The following ARHGAP15 variants were observed in gnomAD, a reference collection of about 807,000 sequenced individuals.
The protein encoded by ARHGAP15 is Rho GTPase activating protein 15.
In ARHGAP15, 51 loss-of-function variants were observed where a neutral mutation model predicts 63.7. The observed-to-expected ratio is 0.80, with a 90% CI of 0.64 to 1.01. The LOEUF (loss-of-function observed/expected upper bound fraction) is 1.01. Ranked by LOEUF, ARHGAP15 falls within the 50% of genes least tolerant of loss-of-function variation. ARHGAP15 has a pLI of 0.00. For missense variants in ARHGAP15, 560 were observed against 564.6 expected (o/e 0.99, Z 0.08); for synonymous variants, 191 against 193.8 (o/e 0.99, Z 0.12).
intron 10 of ARHGAP15, among the ~76,000 whole-genome samples, chr2:143,551,728 T>C (rs1695571768): frequency 1.3e-5 from 2 of 152,146 alleles, no homozygotes; most frequent in Admixed American, 6.5e-5. Context: ...GCAAGGCTAT[T>C]GAAGGATGGG....
chr2:143,195,885 C>T (rs751421262), intron 2 of ARHGAP15, among the ~76,000 whole-genome samples: 17 of 152,114 alleles, frequency 1.1e-4, no homozygotes, highest in South Asian at 4.1e-4. Flanking sequence ...CTCCTACACA[C>T]GGAAAATAAT....
chr2:143,146,632 C>T (rs1189484581), intron 1 of ARHGAP15, among the ~76,000 whole-genome samples: 1 of 152,046 alleles, frequency 6.6e-6, no homozygotes, highest in African/African-American at 2.4e-5. Flanking sequence ...CACATACACA[C>T]AAGCTATTTA....
At chr2:143,196,123 G>A (rs185995478) in intron 2 of ARHGAP15, among the ~76,000 whole-genome samples, 19 of 152,068 alleles carry the variant, frequency 1.2e-4, no homozygotes, top group African/African-American at 4.3e-4. Context: ...AGGAAAATAC[G>A]CATTATATAT....
intron 6 of ARHGAP15, among the ~76,000 whole-genome samples, chr2:143,261,450 T>C (rs1188126003): frequency 6.7e-6 from 1 of 148,384 alleles, no homozygotes; most frequent in Non-Finnish European, 1.5e-5. Context: ...GCAATTCTCC[T>C]GCCTCAGTCT....
intron 10 of ARHGAP15, among the ~76,000 whole-genome samples, chr2:143,529,325 G>C (rs1461621628): frequency 6.6e-6 from 1 of 151,964 alleles, no homozygotes; most frequent in South Asian, 2.1e-4. Context: ...CTTGAATCTG[G>C]TTCTTCCTTT....
At chr2:143,380,256 A>C (rs1285533434) in intron 6 of ARHGAP15, among the ~76,000 whole-genome samples, 1 of 152,136 alleles carries the variant, frequency 6.6e-6, no homozygotes, top group Non-Finnish European at 1.5e-5. Context: ...TGTGGTTTCC[A>C]TTCCTGGCTC....
intron 5 of ARHGAP15, chr2:143,247,332 C>G (rs1427526071): frequency 6.6e-6 from 1 of 152,588 alleles, no homozygotes; most frequent in Non-Finnish European, 1.5e-5. Flanking sequence ...CTGTGGAGCC[C>G]GCTGCTGCTG....
rs1403310550 is a variant in ARHGAP15, at chr2:143,645,043, T to A, written c.1138+20776T>A. On this transcript the variant is annotated intron_variant, in intron 12 of 13. Coordinates refer to ENST00000295095, the MANE Select transcript of ARHGAP15 (RefSeq NM_018460.4). Reference sequence around the variant, plus strand: ...TAAAAGTAATATGATTGGATGAAGATGTATGATGCAAAATTCCTATTACAT... The same window carrying A: ...TAAAAGTAATATGATTGGATGAAGAAGTATGATGCAAAATTCCTATTACAT... Among the ~76,000 whole-genome samples the A allele has an allele frequency of 2.0e-5, 3 of 152,080 alleles. No homozygotes were observed. In the East Asian group the frequency reaches 5.8e-4, roughly 29 times the overall value.
chr2:143,402,750 G>T (rs988031701), intron 6 of ARHGAP15, among the ~76,000 whole-genome samples: 2 of 151,814 alleles, frequency 1.3e-5, no homozygotes, highest in African/African-American at 4.8e-5. Flanking sequence ...ATGTTGGGCT[G>T]ATTGAAGGAA....
intron 6 of ARHGAP15, among the ~76,000 whole-genome samples, chr2:143,270,544 A>G (rs1018217796): frequency 1.3e-5 from 2 of 152,214 alleles, no homozygotes; most frequent in Non-Finnish European, 2.9e-5. Flanking sequence ...TGCACATTCA[A>G]TATCATTTGG....
At chr2:143,506,140 A>G (rs1233278483) in intron 9 of ARHGAP15, among the ~76,000 whole-genome samples, 2 of 152,324 alleles carry the variant, frequency 1.3e-5, no homozygotes. Context: ...ATATTAGGAA[A>G]AGTACAGTCT....
chr2:143,461,113 A>G (rs1690912508), intron 8 of ARHGAP15, among the ~76,000 whole-genome samples: 1 of 151,638 alleles, frequency 6.6e-6, no homozygotes, highest in South Asian at 2.1e-4. Context: ...AACATGGTGA[A>G]ACCCTGTCTG....
At chr2:143,267,941 G>A (rs988915645) in intron 6 of ARHGAP15, among the ~76,000 whole-genome samples, 4 of 152,074 alleles carry the variant, frequency 2.6e-5, no homozygotes, top group African/African-American at 9.7e-5. Flanking sequence ...CAGATAGAAT[G>A]ATGGCCATTA....
intron 13 of ARHGAP15, among the ~76,000 whole-genome samples, chr2:143,724,001 C>T (rs1457233123): frequency 2.0e-5 from 3 of 151,956 alleles, no homozygotes; most frequent in African/African-American, 7.2e-5. Flanking sequence ...ACGTCTCAGC[C>T]ACTGTTTTAT....
chr2:143,350,341 G>A (rs1685502574), intron 6 of ARHGAP15, among the ~76,000 whole-genome samples: 1 of 151,198 alleles, frequency 6.6e-6, no homozygotes, highest in Middle Eastern at 3.5e-3. Flanking sequence ...TAATAGTTAG[G>A]AGAGTTCATG....
At chr2:143,705,599 G>T (rs1684293388) in intron 13 of ARHGAP15, among the ~76,000 whole-genome samples, 1 of 152,160 alleles carries the variant, frequency 6.6e-6, no homozygotes, top group Non-Finnish European at 1.5e-5. Flanking sequence ...GTAAATACTG[G>T]AGTGCTTATC....
chr2:143,423,764 G>C (rs1159296678), intron 6 of ARHGAP15, among the ~76,000 whole-genome samples: 1 of 152,126 alleles, frequency 6.6e-6, no homozygotes, highest in Non-Finnish European at 1.5e-5. Context: ...TATGTACCAG[G>C]TATTATGTTA....
rs544322589 is a variant in ARHGAP15 at position 143,646,477 on chromosome 2, G to A, written c.1138+22210G>A. Among the ~76,000 whole-genome samples the A allele has an allele frequency of 2.2e-4, 33 of 151,828 alleles. No homozygotes were observed. In the South Asian group the frequency reaches 2.7e-3, roughly 12 times the overall value. On this transcript the variant is annotated intron_variant, in intron 12 of 13. Coordinates refer to ENST00000295095, the MANE Select transcript of ARHGAP15 (RefSeq NM_018460.4). ...TGCATTGTTGATTACTATACACCAG[G>A]GTGGTCTGTGAGCCACTGTTTTCTG...
intron 13 of ARHGAP15, among the ~76,000 whole-genome samples, chr2:143,714,856 A>AT: frequency 6.6e-6 from 1 of 152,128 alleles, no homozygotes; most frequent in Non-Finnish European, 1.5e-5. Context: ...CACTATCAGC[A>AT]TTTTTCTCGA....
Sources: gnomAD v4.1 joint callset for allele counts (sites outside exome capture counted in the v4.1 genomes callset) on GRCh38, gnomAD v4.1.1 for gene constraint, MANE v1.5 for transcripts, NCBI Gene and HGNC (gene_info 2026-07-23, HGNC 2026-07-21) for gene names.